HSPA8: variants seen among roughly 807,000 people sequenced by gnomAD.
HSPA8 encodes the protein heat shock cognate 71 kDa protein.
HSPA8 carries 2 observed loss-of-function variants against 52.8 expected under a neutral mutation model. That is an observed-to-expected ratio of 0.04 (90% CI 0.02 to 0.12). HSPA8 has a LOEUF of 0.12. Among genes scored for constraint, HSPA8 ranks in the 10% least tolerant of loss-of-function variants. The pLI, the probability that HSPA8 is intolerant of heterozygous loss-of-function variation, is 1.00. For synonymous variants in HSPA8, 436 were observed against 274.0 expected (o/e 1.59, Z -5.84); for missense variants, 349 against 800.5 (o/e 0.44, Z 6.81).
chr11:123,060,976 TACA>T, intron 2 of HSPA8, 141 bp downstream of exon 2: 1 of 911,448 alleles, frequency 1.1e-6, no homozygotes, highest in East Asian at 2.6e-5. Context: ...GAAAGGTTTC[TACA>T]ACCTGTTTTA....
intron 3 of HSPA8, 33 bp from the exon 4 acceptor site, chr11:123,060,301 CTATTATACTTACATA>C (rs758937315): frequency 6.2e-7 from 1 of 1,601,520 alleles, no homozygotes; most frequent in South Asian, 1.1e-5. Flanking sequence ...AGATTGGTAA[CTATTATACTTACATA>C]TATGCAAACT....
In HSPA8 at chr11:123,060,818, A is replaced by T; in HGVS notation, c.206-20T>A. ...TGGCATCTGTAAAAGGTGTCAAATG[A>T]AAACACTTTCAATTTCATAGCTCTT... is the stretch of plus-strand genomic sequence containing the variant. On this transcript the variant is annotated intron_variant, in intron 2 of 8. Transcript: ENST00000534624. The T allele has an allele frequency of 6.3e-7, 1 of 1,592,226 alleles. No homozygotes were observed. Among genetic ancestry groups the T allele is most frequent in the Non-Finnish European group, 8.6e-7 (1 of 1,168,962 alleles).
In HSPA8 at chr11:123,059,788, G is replaced by A. The variant is rs11551604; in HGVS notation, c.805C>T (p.Arg269Cys). ...AVRRLRTACERAKRTLSSSTQ... is the reference protein window; with the variant it reads ...AVRRLRTACECAKRTLSSSTQ... ...CTGGAAGAGAGGGTACGCTTAGCAC[G>A]TTCACAAGCAGTACGGAGGCGTCTT... The change falls in exon 5 of 9, where the codon CGT (arginine) becomes TGT (cysteine). Residue 269 changes from arginine (R) to cysteine (C), a missense_variant. Coordinates refer to ENST00000534624, the MANE Select transcript of HSPA8 (RefSeq NM_006597.6). The A allele has an allele frequency of 6.2e-7, 1 of 1,613,872 alleles. No homozygotes were observed. The highest frequency in any genetic ancestry group is 8.5e-7 in the Non-Finnish European group (1 of 1,179,858).
Position 123,058,849 on chromosome 11 carries a change from A to G in HSPA8, c.1324-19T>C. On this transcript the variant is annotated intron_variant, in intron 6 of 8. Coordinates refer to ENST00000534624, the MANE Select transcript of HSPA8 (RefSeq NM_006597.6). ...CATAAACCTTGGTAGGAAATAAAAC[A>G]AATTACTACAATGGACTCCAGGTCT... The G allele has an allele frequency of 6.2e-7, 1 of 1,606,426 alleles. No individual in the cohort carries two copies. The highest frequency in any genetic ancestry group is 8.5e-7 in the Non-Finnish European group (1 of 1,173,138).
Position 123,057,925 on chromosome 11 carries a change from G to T in HSPA8, c.1756-6C>A. The T allele has an allele frequency of 6.3e-7, 1 of 1,588,446 alleles. No individual in the cohort carries two copies. Among genetic ancestry groups the T allele is most frequent in the South Asian group, 1.1e-5 (1 of 87,368 alleles). ...AATTCTTCCTTCTCAGCAGTCTGAG[G>T]AAGAGAAAAAGGAATTACTGCAAGT... On this transcript the variant is annotated splice_polypyrimidine_tract_variant and splice_region_variant and intron_variant, in intron 8 of 8. Transcript: ENST00000534624.
chr11:123,061,590 C>G (rs771884373), intron 1 of HSPA8: 22 of 517,172 alleles, frequency 4.3e-5, no homozygotes, highest in South Asian at 3.3e-4. Flanking sequence ...GGTCTTACCC[C>G]GAACTGAGCA....
Position 123,059,116 on chromosome 11 carries a change from G to A in HSPA8, c.1266C>T (p.Thr422=). Residue 422 remains threonine, a synonymous_variant, in exon 6 of 9, where the codon ACC becomes ACT. Coordinates refer to ENST00000534624, the MANE Select transcript of HSPA8 (RefSeq NM_006597.6). ...VLIKRNTTIP[T]KQTQTFTTYS... ...AGGTAGTGAAGGTCTGTGTCTGCTT[G>A]GTAGGAATGGTGGTATTACGCTTGA... The A allele has an allele frequency of 6.2e-7, 1 of 1,612,214 alleles. No homozygotes were observed. The highest frequency in any genetic ancestry group is 8.5e-7 in the Non-Finnish European group (1 of 1,179,986).
intron 5 of HSPA8, 63 bp from the exon 6 acceptor site, chr11:123,059,324 T>C (rs1865420350): frequency 6.8e-7 from 1 of 1,462,590 alleles, no homozygotes; most frequent in Admixed American, 1.8e-5. Flanking sequence ...AGCTCCTGTT[T>C]TAACTATCAC....
intron 3 of HSPA8, 35 bp from the exon 4 acceptor site, chr11:123,060,303 A>G: frequency 3.1e-6 from 5 of 1,599,536 alleles, no homozygotes; most frequent in East Asian, 2.2e-5. Context: ...ATTGGTAACT[A>G]TTATACTTAC....
At chr11:123,060,846 G>A (rs375446770) in intron 2 of HSPA8, 48 bp from the exon 3 acceptor site, 152 of 1,529,038 alleles carry the variant, frequency 9.9e-5, no homozygotes, top group Non-Finnish European at 1.2e-4. Flanking sequence ...TAGCTCTTCT[G>A]ATAAAACTCA....
At chr11:123,060,345 C>T (rs1865455131) in intron 3 of HSPA8, 77 bp from the exon 4 acceptor site, 2 of 1,384,938 alleles carry the variant, frequency 1.4e-6, no homozygotes, top group African/African-American at 1.4e-5. Context: ...TGGATTAATG[C>T]TGGTGAAAGA....
intron 1 of HSPA8, chr11:123,061,530 T>C (rs1285943341): frequency 3.4e-6 from 2 of 595,420 alleles, no homozygotes; most frequent in Non-Finnish European, 6.0e-6. Context: ...GAGCACGCCC[T>C]AGATGAAGGA....
chr11:123,058,072 T>G, intron 8 of HSPA8, 153 bp from the exon 9 acceptor site: 1 of 730,110 alleles, frequency 1.4e-6, no homozygotes, highest in Non-Finnish European at 2.2e-6. Context: ...CCTTAACATC[T>G]TGGGTCACTC....
Position 123,060,188 on chromosome 11 carries a change from A to T in HSPA8, c.492T>A (p.Ile164=), listed in dbSNP as rs1436365119. 2 of 1,613,976 alleles carry T rather than the reference A, an allele frequency of 1.2e-6. No homozygotes were observed. Among genetic ancestry groups the T allele is most frequent in the African/African-American group, 1.3e-5 (1 of 74,938 alleles). ...QRQATKDAGT[I]AGLNVLRIIN... ...TAATTCTAAGTACATTGAGACCAGCAATAGTTCCAGCATCTTTGGTAGCCT... is the reference window on the plus strand; with the variant it reads ...TAATTCTAAGTACATTGAGACCAGCTATAGTTCCAGCATCTTTGGTAGCCT... The change falls in exon 4 of 9, where the codon ATT becomes ATA. Residue 164 remains isoleucine, a synonymous_variant. Coordinates refer to ENST00000534624, the MANE Select transcript of HSPA8 (RefSeq NM_006597.6).
In HSPA8 at chr11:123,059,999, A is replaced by G. The variant is rs573467766; in HGVS notation, c.594T>C (p.Phe198=). The stretch of plus-strand genomic sequence containing the variant: ...CATCAAAAGTGCCACCTCCCAGGTC[A>G]AAGATGAGCACGTTTCTTTCTGCTC... ...KVGAERNVLI[F]DLGGGTFDVS... The change falls in exon 5 of 9, where the codon TTT becomes TTC. Residue 198 remains phenylalanine (F), a synonymous_variant. Transcript: ENST00000534624. 6.2e-7 allele frequency: 1 copy of G among 1,613,986 alleles called. No individual in the cohort carries two copies. The highest frequency in any genetic ancestry group is 1.7e-5 in the Admixed American group (1 of 59,982).
rs1865470157 is a variant in HSPA8 at position 123,060,665 on chromosome 11, G to A, written c.339C>T (p.Ser113=). 2 of 1,613,514 alleles carry A rather than the reference G, an allele frequency of 1.2e-6. No homozygotes were observed. Among genetic ancestry groups the A allele is most frequent in the Non-Finnish European group, 1.7e-6 (2 of 1,179,692 alleles). Residue 113 remains serine, a synonymous_variant, in exon 3 of 9, where the codon AGC becomes AGT. Coordinates refer to ENST00000534624, the MANE Select transcript of HSPA8 (RefSeq NM_006597.6). ...VQVEYKGETK[S]FYPEEVSSMV... ...TAGAAGACACCTCCTCTGGATAGAA[G>A]CTTTTGGTCTCTCCCTTGTATTCTA...
upstream of HSPA8, chr11:123,062,332 C>A (rs768427133): frequency 2.6e-5 from 4 of 152,516 alleles, no homozygotes; most frequent in African/African-American, 9.6e-5. Context: ...CTCCGCCTCA[C>A]GATAACGCAC....
At chr11:123,059,014 T>TAG in intron 6 of HSPA8, 45 bp downstream of exon 6, 3 of 1,544,060 alleles carry the variant, frequency 1.9e-6, no homozygotes, top group Non-Finnish European at 2.7e-6. Context: ...AGACTTCCCT[T>TAG]TATCTGTTAT....
intron 2 of HSPA8, 110 bp downstream of exon 2, chr11:123,061,008 GTC>G (rs1865482638): frequency 4.1e-6 from 4 of 976,546 alleles, no homozygotes; most frequent in Non-Finnish European, 4.7e-6. Context: ...TTGATAACAA[GTC>G]TCTCAGCTCA....
Sources: gnomAD v4.1 joint callset for allele counts on GRCh38, gnomAD v4.1.1 for gene constraint, MANE v1.5 for transcripts, NCBI Gene and HGNC (gene_info 2026-07-23, HGNC 2026-07-21) for gene names.